Variants in ANO6 observed in about 807,000 individuals in gnomAD.
ANO6 encodes the protein anoctamin-6.
ANO6 carries 106 observed loss-of-function variants against 117.5 expected under a neutral mutation model. That is an observed-to-expected ratio of 0.90 (90% CI 0.77 to 1.06). The LOEUF (loss-of-function observed/expected upper bound fraction) is 1.06. Among genes scored for constraint, ANO6 ranks in the 50% least tolerant of loss-of-function variants. The pLI, the probability that ANO6 is intolerant of heterozygous loss-of-function variation, is 0.00. For missense variants in ANO6, 955 were observed against 1,121.1 expected, an observed-to-expected ratio of 0.85 and a Z score of 2.12; for synonymous variants, 367 against 385.1, an observed-to-expected ratio of 0.95 and a Z score of 0.55.
chr12:45,295,895 GTCAC>G (rs1463126940), intron 1 of ANO6, among the ~76,000 whole-genome samples: 1 of 151,866 alleles, frequency 6.6e-6, no homozygotes, highest in African/African-American at 2.4e-5. Context: ...CAGAGTCTCT[GTCAC>G]TCAGGAAGCT....
intron 2 of ANO6, among the ~76,000 whole-genome samples, chr12:45,323,859 GT>G (rs5797939): frequency 0.94 from 139,960 of 148,582 alleles, 66,474 homozygotes; most frequent in East Asian, 1. Flanking sequence ...GTTTTGTAAG[GT>G]TTTTTTTTTA....
intron 7 of ANO6, among the ~76,000 whole-genome samples, chr12:45,354,737 AC>A (rs1941367896): frequency 6.6e-6 from 1 of 152,256 alleles, no homozygotes; most frequent in Non-Finnish European, 1.5e-5. Flanking sequence ...TCTAGGGAGA[AC>A]AAGATATTGA....
intron 12 of ANO6, among the ~76,000 whole-genome samples, 182 bp from the exon 13 acceptor site, chr12:45,401,613 T>C (rs2137627809): frequency 6.6e-6 from 1 of 152,348 alleles, no homozygotes; most frequent in South Asian, 2.1e-4. Context: ...TTCTTTTCAC[T>C]TCCATCATTC....
intron 1 of ANO6, among the ~76,000 whole-genome samples, chr12:45,238,295 C>G (rs1199916630): frequency 6.6e-6 from 1 of 151,698 alleles, no homozygotes; most frequent in African/African-American, 2.4e-5. Context: ...GGATTACAGG[C>G]ACCTGCCAGC....
At chr12:45,366,617 A>G (rs964129551) in intron 8 of ANO6, among the ~76,000 whole-genome samples, 1 of 152,084 alleles carries the variant, frequency 6.6e-6, no homozygotes, top group African/African-American at 2.4e-5. Flanking sequence ...CCTCTCCCAT[A>G]ATGCCTTTGT....
At chr12:45,388,394 A>T in intron 11 of ANO6, 91 bp downstream of exon 11, 1 of 1,515,916 alleles carries the variant, frequency 6.6e-7, no homozygotes, top group Non-Finnish European at 9.1e-7. Flanking sequence ...GGGGGAGCTT[A>T]AAAAATATTG....
intron 1 of ANO6, chr12:45,270,522 T>C: frequency 8.8e-7 from 1 of 1,140,760 alleles, no homozygotes; most frequent in Non-Finnish European, 1.2e-6. Context: ...CCATCCAGCC[T>C]GGGTAAGATC....
chr12:45,281,864 T>A (rs1005849429), intron 1 of ANO6, among the ~76,000 whole-genome samples: 12 of 152,324 alleles, frequency 7.9e-5, no homozygotes, highest in Non-Finnish European at 1.8e-4. Context: ...AAAGATTGCT[T>A]TGGCTACTGA....
chr12:45,428,433 C>T (rs1245197811), intron 19 of ANO6, among the ~76,000 whole-genome samples: 3 of 152,056 alleles, frequency 2.0e-5, no homozygotes, highest in Non-Finnish European at 2.9e-5. Flanking sequence ...GGCAACATAG[C>T]GAGACCCTGT....
intron 3 of ANO6, among the ~76,000 whole-genome samples, chr12:45,345,797 C>T (rs74080804): frequency 0.015 from 2,279 of 152,168 alleles, 52 homozygotes; most frequent in African/African-American, 0.051. Flanking sequence ...AGAGCTCATT[C>T]TGGTCCATTT....
intron 1 of ANO6, among the ~76,000 whole-genome samples, chr12:45,269,140 A>G (rs923772512): frequency 8.5e-5 from 13 of 152,172 alleles, no homozygotes; most frequent in African/African-American, 3.1e-4. Context: ...AGCCACAGGT[A>G]TCATCTGGCA....
chr12:45,320,391 A>C lies in ANO6; in HGVS notation c.151-10904A>C, dbSNP rs1166605642. ...TTCGTTATGTACCCAGTAGTCATTC[A>C]GGAGCAGGTTGTTCAGTTTCCATGT... On this transcript the variant is annotated intron_variant, in intron 2 of 19. Transcript: ENST00000320560. Among the ~76,000 whole-genome samples, 5 of 152,140 alleles carry C rather than the reference A, an allele frequency of 3.3e-5. No homozygotes were observed. The East Asian group carries it at 7.7e-4, about 23-fold the overall frequency.
intron 13 of ANO6, 121 bp downstream of exon 13, chr12:45,402,141 T>C (rs1942807936): frequency 1.2e-6 from 1 of 812,044 alleles, no homozygotes; most frequent in Non-Finnish European, 2.0e-6. Flanking sequence ...AATTTTCAAG[T>C]GTAAACATAT....
rs188408837 is a variant in ANO6, at chr12:45,399,461, T to C, written c.1387-2334T>C. On this transcript the variant is annotated intron_variant, in intron 12 of 19. Transcript: ENST00000320560. ...TGCCCGCCGCAGCCCCTCAAAGTGCTGGGATTACAGGCGTGAGCCACCGCG... is the reference window on the plus strand; with the variant it reads ...TGCCCGCCGCAGCCCCTCAAAGTGCCGGGATTACAGGCGTGAGCCACCGCG... 3.1e-3 allele frequency among the ~76,000 whole-genome samples: 479 copies of C among 152,228 alleles called. 3 individuals are homozygous for C. Among genetic ancestry groups the C allele is most frequent in the Middle Eastern group, 0.01 (3 of 294 alleles).
intron 1 of ANO6, among the ~76,000 whole-genome samples, chr12:45,226,977 T>C (rs1947491591): frequency 6.7e-6 from 1 of 149,378 alleles, no homozygotes; most frequent in Non-Finnish European, 1.5e-5. Flanking sequence ...ACAAAAATTA[T>C]CATTTTCTTT....
chr12:45,288,359 GA>G (rs1938984850), intron 1 of ANO6, among the ~76,000 whole-genome samples: 2 of 152,216 alleles, frequency 1.3e-5, no homozygotes, highest in South Asian at 4.2e-4. Flanking sequence ...TTTTCATCTT[GA>G]AAAAGGTTGT....
chr12:45,380,271 C>T (rs1448128098), intron 10 of ANO6, among the ~76,000 whole-genome samples: 1 of 152,246 alleles, frequency 6.6e-6, no homozygotes, highest in South Asian at 2.1e-4. Flanking sequence ...ATCCTGCCCA[C>T]TCCCTTCCTT....
At chr12:45,242,694 C>T (rs572978685) in intron 1 of ANO6, among the ~76,000 whole-genome samples, 174 of 152,272 alleles carry the variant, frequency 1.1e-3, no homozygotes, top group Non-Finnish European at 1.7e-3. Context: ...TGTTCCTATT[C>T]GGCCGTCTTG....
chr12:45,440,349 C>G (rs1194765423), exon 20 of ANO6: 1 of 152,642 alleles, frequency 6.6e-6, no homozygotes, highest in South Asian at 2.1e-4. Flanking sequence ...ACGCCATTCT[C>G]CTGTCTCAGC....
Sources: gnomAD v4.1 joint callset for allele counts (sites outside exome capture counted in the v4.1 genomes callset) on GRCh38, gnomAD v4.1.1 for gene constraint, MANE v1.5 for transcripts, NCBI Gene and HGNC (gene_info 2026-07-23, HGNC 2026-07-21) for gene names.